ANO5: variants seen among roughly 807,000 people sequenced by gnomAD.
ANO5 encodes anoctamin-5.
In ANO5, 109 loss-of-function variants were observed where a neutral mutation model predicts 121.0. That is an observed-to-expected ratio of 0.90 (90% CI 0.77 to 1.06). ANO5 has a LOEUF of 1.06. ANO5 is among the 50% of genes least tolerant of loss of function. The pLI is 0.00. For missense variants in ANO5, 1,064 were observed against 1,078.5 expected (o/e 0.99, Z 0.19); for synonymous variants, 406 against 359.9 (o/e 1.13, Z -1.45).
chr11:22,272,365 A>G (rs911274865), intron 18 of ANO5, among the ~76,000 whole-genome samples: 4 of 148,496 alleles, frequency 2.7e-5, no homozygotes, highest in Admixed American at 6.8e-5. Flanking sequence ...CTGGGATTAT[A>G]CAACTGAATC....
chr11:22,232,773 C>T lies in ANO5; in HGVS notation c.649-3390C>T, dbSNP rs138580662. 7.2e-5 allele frequency among the ~76,000 whole-genome samples: 11 copies of T among 151,950 alleles called. No individual in the cohort carries two copies. In the East Asian group the frequency reaches 2.1e-3, roughly 29 times the overall value. On this transcript the variant is annotated intron_variant, in intron 7 of 21. Coordinates refer to ENST00000324559, the MANE Select transcript of ANO5 (RefSeq NM_213599.3). The stretch of plus-strand genomic sequence containing the variant: ...AACTTTTCATACTGTTTTACCATGC[C>T]ACCTTTTCTTATAACCTAAGTATCT...
At chr11:22,259,352 G>A (rs1854109606) in intron 14 of ANO5, among the ~76,000 whole-genome samples, 167 bp from the exon 15 acceptor site, 1 of 152,128 alleles carries the variant, frequency 6.6e-6, no homozygotes, top group African/African-American at 2.4e-5. Context: ...CCTTGCCAGT[G>A]TTCATGTCTT....
Position 22,270,356 on chromosome 11 carries a change from CTG to C in ANO5, c.1944_1945del (p.Lys650AlafsTer3), listed in dbSNP as rs1308707703. 2.5e-6 allele frequency: 4 copies of C among 1,614,016 alleles called. No individual in the cohort carries two copies. In the African/African-American group the frequency reaches 4.0e-5, roughly 16 times the overall value. On this transcript the variant is annotated frameshift_variant, in exon 18 of 22. Transcript: ENST00000324559. LOFTEE classifies it high-confidence loss of function. ...AGACGCCGAAAAGCTCGGACAAACT[CTG>C]AGAAGCTGTATAGTCGATGGGAGCA...
At chr11:22,277,762 G>A (rs1412833254) in intron 21 of ANO5, 1 of 151,264 alleles carries the variant, frequency 6.6e-6, no homozygotes, top group African/African-American at 2.4e-5. Flanking sequence ...TATTATTTGT[G>A]TTAATTTTTT....
intron 1 of ANO5, among the ~76,000 whole-genome samples, chr11:22,199,399 A>T (rs1381573799): frequency 6.6e-6 from 1 of 152,132 alleles, no homozygotes; most frequent in Non-Finnish European, 1.5e-5. Context: ...ATGCTAGGAA[A>T]TGTTTTGTTT....
At chr11:22,193,635 T>G in intron 1 of ANO5, 103 bp downstream of exon 1, 2 of 1,424,534 alleles carry the variant, frequency 1.4e-6, no homozygotes, top group Non-Finnish European at 1.9e-6. Flanking sequence ...CCCTGCGGCC[T>G]GAGTCCTAGG....
At chr11:22,275,499 T>G (rs1590333442) in intron 20 of ANO5, among the ~76,000 whole-genome samples, 1 of 152,074 alleles carries the variant, frequency 6.6e-6, no homozygotes, top group East Asian at 1.9e-4. Context: ...TGGTGTCAGA[T>G]TTCTGGATGT....
At chr11:22,211,461 A>G in intron 3 of ANO5, 147 bp downstream of exon 3, 2 of 1,024,572 alleles carry the variant, frequency 2.0e-6, no homozygotes, top group African/African-American at 1.6e-5. Context: ...TAGAAAAAAA[A>G]AATCAGTTTC....
chr11:22,228,356 T>A (rs1190378937), intron 7 of ANO5, among the ~76,000 whole-genome samples: 1 of 151,846 alleles, frequency 6.6e-6, no homozygotes, highest in Non-Finnish European at 1.5e-5. Flanking sequence ...TTGCTTATTT[T>A]AAAAAATTTA....
Position 22,280,379 on chromosome 11 carries a change from C to A in ANO5, c.*614C>A, listed in dbSNP as rs1564957711. On this transcript the variant is annotated 3_prime_UTR_variant, in exon 22 of 22. Coordinates refer to ENST00000324559, the MANE Select transcript of ANO5 (RefSeq NM_213599.3). ...GTTCTTCCTGGTAAAGGCAGAATTC[C>A]TTTTCTCGAGACTGAAATTTTGGGT... 1 of 151,884 alleles carries A rather than the reference C, an allele frequency of 6.6e-6. No individual in the cohort carries two copies. Among genetic ancestry groups the A allele is most frequent in the African/African-American group, 2.4e-5 (1 of 41,390 alleles). The allele number at this position is 151,884 out of a possible 1,614,324, so 9.4% of individuals were successfully genotyped here.
At chr11:22,262,495 A>C (rs747633955) in intron 16 of ANO5, among the ~76,000 whole-genome samples, 197 bp downstream of exon 16, 21 of 152,232 alleles carry the variant, frequency 1.4e-4, no homozygotes, top group Non-Finnish European at 3.1e-4. Context: ...GCAAGAAGTT[A>C]CATTATGCCT....
At chr11:22,228,801 T>A (rs1852934844) in intron 7 of ANO5, among the ~76,000 whole-genome samples, 1 of 151,966 alleles carries the variant, frequency 6.6e-6, no homozygotes, top group Non-Finnish European at 1.5e-5. Flanking sequence ...ATGACAACAT[T>A]TCATTCTTTT....
chr11:22,193,591 C>T (rs532482109), intron 1 of ANO5, 59 bp downstream of exon 1: 2 of 1,582,592 alleles, frequency 1.3e-6, no homozygotes, highest in East Asian at 2.3e-5. Context: ...CACCCCTCCA[C>T]CCGCGGCGCA....
At chr11:22,200,948 A>T (rs1224532882) in intron 1 of ANO5, among the ~76,000 whole-genome samples, 1 of 152,134 alleles carries the variant, frequency 6.6e-6, no homozygotes, top group Non-Finnish European at 1.5e-5. Flanking sequence ...ATCCACAGGC[A>T]TTGGTTTCAG....
rs1037976609 is a variant in ANO5, at chr11:22,232,190, G to C, written c.649-3973G>C. ...TATTTGGGTGATCAGTTAAGCTCTT[G>C]TATGAACTTTTGTTCATTCATTCTT... On this transcript the variant is annotated intron_variant, in intron 7 of 21. Transcript: ENST00000324559. Among the ~76,000 whole-genome samples, 8 of 152,038 alleles carry C rather than the reference G, an allele frequency of 5.3e-5. No individual in the cohort carries two copies. In the East Asian group the frequency reaches 7.7e-4, roughly 15 times the overall value.
Position 22,260,361 on chromosome 11 carries a change from T to C in ANO5, c.1630+620T>C, listed in dbSNP as rs145064633. On this transcript the variant is annotated intron_variant, in intron 15 of 21. Coordinates refer to ENST00000324559, the MANE Select transcript of ANO5 (RefSeq NM_213599.3). The stretch of plus-strand genomic sequence containing the variant: ...GCAAGTTAGCAGTAAGATCGGAAAC[T>C]CAAATCAAGGCATCAGCCTCTTCTC... 1.2e-4 allele frequency among the ~76,000 whole-genome samples: 18 copies of C among 151,398 alleles called. No homozygotes were observed. In the East Asian group the frequency reaches 3.6e-3, roughly 30 times the overall value.
intron 1 of ANO5, among the ~76,000 whole-genome samples, chr11:22,194,786 G>A (rs1266307065): frequency 6.6e-6 from 1 of 152,116 alleles, no homozygotes; most frequent in African/African-American, 2.4e-5. Context: ...CTTATTAATT[G>A]CCAAATACTA....
intron 1 of ANO5, among the ~76,000 whole-genome samples, chr11:22,202,025 G>A (rs75135857): frequency 0.011 from 1,736 of 152,144 alleles, 33 homozygotes; most frequent in African/African-American, 0.039. Context: ...ACTTAAGAGC[G>A]TGAAAGGGTG....
At chr11:22,259,465 T>C (rs749567152) in intron 14 of ANO5, 54 bp from the exon 15 acceptor site, 474 of 1,483,876 alleles carry the variant, frequency 3.2e-4, no homozygotes, top group Non-Finnish European at 4.3e-4. Context: ...TAGATATATA[T>C]TCATAACAGA....
Sources: allele counts gnomAD v4.1 joint callset (sites outside exome capture counted in the v4.1 genomes callset), GRCh38; gene constraint gnomAD v4.1.1; transcripts MANE v1.5; gene names NCBI Gene and HGNC (gene_info 2026-07-23, HGNC 2026-07-21).